TRDN: variants seen among roughly 807,000 people sequenced by gnomAD.
The protein encoded by TRDN is triadin, also known as triadin in skeletal muscle.
In TRDN, 161 loss-of-function variants were observed where a neutral mutation model predicts 149.7. That is an observed-to-expected ratio of 1.08 (90% CI 0.95 to 1.23). The LOEUF is 1.23. TRDN is among the 50% of genes most tolerant of loss of function. TRDN has a pLI of 0.00. For synonymous variants in TRDN, 294 were observed against 250.5 expected (o/e 1.17, Z -1.64); for missense variants, 896 against 823.5 (o/e 1.09, Z -1.08).
chr6:123,611,927 G>A (rs756008360), intron 1 of TRDN, among the ~76,000 whole-genome samples: 4 of 152,014 alleles, frequency 2.6e-5, no homozygotes, highest in Non-Finnish European at 5.9e-5. Context: ...CACATAAGAA[G>A]TTAATATGAC....
intron 38 of TRDN, 56 bp from the exon 39 acceptor site, chr6:123,224,187 A>C: frequency 6.5e-7 from 1 of 1,544,794 alleles, no homozygotes; most frequent in African/African-American, 1.4e-5. Flanking sequence ...GTTTTCCCAG[A>C]GGAAGTATTG....
At position 123,446,008 on chromosome 6, in the gene TRDN, C is replaced by T. The variant is rs960639652; in HGVS notation, c.932-7005G>A. On this transcript the variant is annotated intron_variant, in intron 10 of 40. Transcript: ENST00000334268. The stretch of plus-strand genomic sequence containing the variant: ...ACCCAAATGTCCAACAATGATAGAC[C>T]GGATTAAGAAAATGTGGCACATATA... Among the ~76,000 whole-genome samples, 9 of 148,694 alleles carry T rather than the reference C, an allele frequency of 6.1e-5. No individual in the cohort carries two copies. The South Asian group carries it at 6.3e-4, about 10-fold the overall frequency.
At chr6:123,592,995 G>C (rs1783859733) in intron 1 of TRDN, among the ~76,000 whole-genome samples, 1 of 152,050 alleles carries the variant, frequency 6.6e-6, no homozygotes, top group Non-Finnish European at 1.5e-5. Context: ...TAAACTCATT[G>C]GTTCAGTGTT....
At chr6:123,407,673 T>C (rs1773252531) in intron 12 of TRDN, among the ~76,000 whole-genome samples, 1 of 152,082 alleles carries the variant, frequency 6.6e-6, no homozygotes, top group South Asian at 2.1e-4. Context: ...GTATAAATAA[T>C]GAACTAAAGG....
At position 123,298,074 on chromosome 6, in the gene TRDN, C is replaced by CA. The variant is rs1169446980; in HGVS notation, c.1510+18382dup. Among the ~76,000 whole-genome samples the CA allele has an allele frequency of 7.3e-5, 11 of 151,690 alleles. 1 individual carries two copies. The South Asian group carries it at 8.3e-4, about 11-fold the overall frequency. ...TACATTAATCCATGAAATTAAAAAA[C>CA]AAAAAAACAAATTTGAGCTAAGAGC... is the stretch of plus-strand genomic sequence containing the variant. On this transcript the variant is annotated intron_variant, in intron 24 of 40. Coordinates refer to ENST00000334268, the MANE Select transcript of TRDN (RefSeq NM_006073.4).
chr6:123,608,465 G>A (rs1784624251), intron 1 of TRDN, among the ~76,000 whole-genome samples: 1 of 152,060 alleles, frequency 6.6e-6, no homozygotes, highest in South Asian at 2.1e-4. Flanking sequence ...CTAAATCAGT[G>A]AGAATTGAAA....
intron 1 of TRDN, among the ~76,000 whole-genome samples, chr6:123,621,622 G>C (rs1785387968): frequency 6.6e-6 from 1 of 152,028 alleles, no homozygotes; most frequent in South Asian, 2.1e-4. Context: ...CAACAACATA[G>C]ATGACTCTTA....
intron 38 of TRDN, among the ~76,000 whole-genome samples, chr6:123,239,119 G>T (rs550741294): frequency 6.6e-6 from 1 of 152,118 alleles, no homozygotes; most frequent in Non-Finnish European, 1.5e-5. Flanking sequence ...GATTACAGGC[G>T]TGAGCCACTA....
At chr6:123,338,723 T>G (rs1319903744) in intron 21 of TRDN, among the ~76,000 whole-genome samples, 1 of 152,172 alleles carries the variant, frequency 6.6e-6, no homozygotes, top group Non-Finnish European at 1.5e-5. Flanking sequence ...ATGAACAACA[T>G]GAAATCAGCT....
At chr6:123,546,461 A>T (rs926462372) in intron 4 of TRDN, among the ~76,000 whole-genome samples, 1 of 152,072 alleles carries the variant, frequency 6.6e-6, no homozygotes, top group African/African-American at 2.4e-5. Flanking sequence ...AATCCACAGT[A>T]GGTATTAGGA....
At chr6:123,522,919 C>T (rs1031987595) in intron 5 of TRDN, among the ~76,000 whole-genome samples, 1 of 152,080 alleles carries the variant, frequency 6.6e-6, no homozygotes, top group African/African-American at 2.4e-5. Flanking sequence ...ACTATGAGCC[C>T]ATATCCCTTT....
intron 6 of TRDN, among the ~76,000 whole-genome samples, chr6:123,512,710 T>C (rs1779240485): frequency 6.6e-6 from 1 of 152,202 alleles, no homozygotes; most frequent in African/African-American, 2.4e-5. Context: ...TTTTTAAATT[T>C]GAATTATATT....
Position 123,312,736 on chromosome 6 carries a change from A to G in TRDN, c.1510+3721T>C, listed in dbSNP as rs1209368827. Among the ~76,000 whole-genome samples, 3 of 151,982 alleles carry G rather than the reference A, an allele frequency of 2.0e-5. No individual in the cohort carries two copies. The East Asian group carries it at 5.8e-4, about 29-fold the overall frequency. ...AGTTTTCGCTTACTGCTACTTAGGA[A>G]TGGCTATAGGAATGGCTCCTCTCTC... On this transcript the variant is annotated intron_variant, in intron 24 of 40. Transcript: ENST00000334268.
intron 1 of TRDN, among the ~76,000 whole-genome samples, chr6:123,622,304 T>A (rs1011768907): frequency 8.7e-5 from 9 of 103,126 alleles, no homozygotes; most frequent in Admixed American, 4.6e-4. Flanking sequence ...TCTCTCTCTC[T>A]ATATATATAT....
intron 12 of TRDN, among the ~76,000 whole-genome samples, chr6:123,426,745 T>C (rs1774136027): frequency 6.6e-6 from 1 of 152,128 alleles, no homozygotes; most frequent in South Asian, 2.1e-4. Flanking sequence ...TGACCTTATA[T>C]TCCAAAATTA....
At chr6:123,231,994 G>A (rs947166139) in intron 38 of TRDN, among the ~76,000 whole-genome samples, 8 of 151,970 alleles carry the variant, frequency 5.3e-5, no homozygotes, top group African/African-American at 1.4e-4. Flanking sequence ...CAGACAAAGG[G>A]CGAAGTTAGG....
intron 1 of TRDN, among the ~76,000 whole-genome samples, chr6:123,609,285 A>G (rs538522695): frequency 6.6e-6 from 1 of 152,162 alleles, no homozygotes; most frequent in African/African-American, 2.4e-5. Flanking sequence ...AGTAAAACTT[A>G]TATTTACTGA....
intron 1 of TRDN, among the ~76,000 whole-genome samples, chr6:123,630,773 T>C (rs1246129507): frequency 6.6e-6 from 1 of 152,018 alleles, no homozygotes; most frequent in Non-Finnish European, 1.5e-5. Flanking sequence ...TTTCTGCTCA[T>C]TGTCACTGCA....
chr6:123,594,075 A>G (rs898600718), intron 1 of TRDN, among the ~76,000 whole-genome samples: 1 of 152,154 alleles, frequency 6.6e-6, no homozygotes, highest in Non-Finnish European at 1.5e-5. Context: ...ATTTTAAAAG[A>G]TGTATGCATG....
Sources: allele counts gnomAD v4.1 joint callset (sites outside exome capture counted in the v4.1 genomes callset), GRCh38; gene constraint gnomAD v4.1.1; transcripts MANE v1.5; gene names NCBI Gene and HGNC (gene_info 2026-07-23, HGNC 2026-07-21).